The following PEX3 variants were observed in gnomAD, a reference collection of about 807,000 sequenced individuals.
PEX3 encodes the protein peroxisomal biogenesis factor 3.
Under a neutral mutation model 55.8 loss-of-function variants are expected in PEX3, and 30 were observed. The ratio of observed to expected loss-of-function variants is 0.54; its 90% confidence interval spans 0.40 to 0.73. The LOEUF (loss-of-function observed/expected upper bound fraction) is 0.73. Among genes scored for constraint, PEX3 ranks in the 30% least tolerant of loss-of-function variants. The pLI, the probability that PEX3 is intolerant of heterozygous loss-of-function variation, is 0.00. For synonymous variants in PEX3, 135 were observed against 148.4 expected (o/e 0.91, Z 0.66); for missense variants, 351 against 432.8 (o/e 0.81, Z 1.68).
At position 143,471,769 on chromosome 6, in the gene PEX3, C is replaced by T. The variant is rs1278953734; in HGVS notation, c.578+158C>T. Among the ~76,000 whole-genome samples, 3 of 147,922 alleles carry T rather than the reference C, an allele frequency of 2.0e-5. No individual in the cohort carries two copies. Among genetic ancestry groups the T allele is most frequent in the African/African-American group, 7.4e-5 (3 of 40,450 alleles). ...TCCTAGGATATTGCATTGTGGGATCCATTTTCTTTATCTTTTTTTTTATAC... is the reference window on the plus strand; with the variant it reads ...TCCTAGGATATTGCATTGTGGGATCTATTTTCTTTATCTTTTTTTTTATAC... On this transcript the variant is annotated intron_variant, in intron 7 of 11. Transcript: ENST00000367591. This position sits in a 1 kb window ranked among gnomAD's most constrained non-coding sequence, Gnocchi z 5.4.
chr6:143,461,349 G>C (rs75041599), intron 2 of PEX3, among the ~76,000 whole-genome samples: 1 of 152,064 alleles, frequency 6.6e-6, no homozygotes, highest in Admixed American at 6.6e-5. Context: ...CAAAAGATAG[G>C]GGTCACACGT....
rs1278700642 is a variant in PEX3 at position 143,471,091 on chromosome 6, T to A, written c.456+6T>A. 1.2e-6 allele frequency: 2 copies of A among 1,611,902 alleles called. No individual in the cohort carries two copies. Among genetic ancestry groups the A allele is most frequent in the East Asian group, 2.2e-5 (1 of 44,768 alleles). Reference sequence around the variant, plus strand: ...CAGTTGGCAAAAATGGCACTGTAAGTTTAATAGACTTAAATAGACATTGTT... The same window carrying A: ...CAGTTGGCAAAAATGGCACTGTAAGATTAATAGACTTAAATAGACATTGTT... On this transcript the variant is annotated splice_donor_region_variant and intron_variant, in intron 5 of 11. Transcript: ENST00000367591. This position sits in a 1 kb window ranked among gnomAD's most constrained non-coding sequence, Gnocchi z 5.4.
rs1779815907 is a variant in PEX3, at chr6:143,454,468, A to G, written c.73+3353A>G. On this transcript the variant is annotated intron_variant, in intron 1 of 11. Transcript: ENST00000367591. This position sits in a 1 kb window ranked among gnomAD's most constrained non-coding sequence, Gnocchi z 4.3. ...CCTCAGAACATTGACTTGGATTTATACCTTAAATCCTGTAATCTCTGGCTT... is the reference window on the plus strand; with the variant it reads ...CCTCAGAACATTGACTTGGATTTATGCCTTAAATCCTGTAATCTCTGGCTT... Among the ~76,000 whole-genome samples the G allele has an allele frequency of 6.6e-6, 1 of 152,186 alleles. No homozygotes were observed. Among genetic ancestry groups the G allele is most frequent in the African/African-American group, 2.4e-5 (1 of 41,440 alleles).
Position 143,479,491 on chromosome 6 carries a change from T to C in PEX3, c.941+293T>C, listed in dbSNP as rs112833904. Among the ~76,000 whole-genome samples, 1,638 of 152,194 alleles carry C rather than the reference T, an allele frequency of 0.011. 24 individuals are homozygous for C. Among genetic ancestry groups the C allele is most frequent in the African/African-American group, 0.037 (1,544 of 41,564 alleles). On this transcript the variant is annotated intron_variant, in intron 10 of 11. Transcript: ENST00000367591. The surrounding 1 kb of genome is among the most constrained non-coding windows in gnomAD (Gnocchi z 4.6). Reference sequence around the variant, plus strand: ...ATTGTTTTTTTTTAACTCTTTAGAATACAAAACTCACAATATGTTTTAATT... The same window carrying C: ...ATTGTTTTTTTTTAACTCTTTAGAACACAAAACTCACAATATGTTTTAATT...
chr6:143,471,158 TAAC>T lies in PEX3; in HGVS notation c.456+76_456+78del, dbSNP rs1259741923. The T allele has an allele frequency of 5.5e-6, 7 of 1,273,290 alleles. No homozygotes were observed. The highest frequency in any genetic ancestry group is 4.6e-5 in the East Asian group (2 of 43,086). The allele number at this position is 1,273,290 out of a possible 1,614,324, so 78.9% of individuals were successfully genotyped here. Reference sequence around the variant, plus strand: ...TCAAAGTTTAACTTATTTATCCTGATAACAATTTCTATGAAATAAATATTTTTA... The same window carrying T: ...TCAAAGTTTAACTTATTTATCCTGATAATTTCTATGAAATAAATATTTTTA... On this transcript the variant is annotated intron_variant, in intron 5 of 11. Coordinates refer to ENST00000367591, the MANE Select transcript of PEX3 (RefSeq NM_003630.3). The surrounding 1 kb of genome is among the most constrained non-coding windows in gnomAD (Gnocchi z 5.4).
chr6:143,471,553 A>G lies in PEX3; in HGVS notation c.524-4A>G. 1 of 1,610,432 alleles carries G rather than the reference A, an allele frequency of 6.2e-7. No homozygotes were observed. The highest frequency in any genetic ancestry group is 8.5e-7 in the Non-Finnish European group (1 of 1,177,054). ...GGCTTTTAGGTTTGTTTTTTCTTTA[A>G]TAGGCCTGACAGAATTGATCACTGT... On this transcript the variant is annotated splice_polypyrimidine_tract_variant and splice_region_variant and intron_variant, in intron 6 of 11. Transcript: ENST00000367591. This position sits in a 1 kb window ranked among gnomAD's most constrained non-coding sequence, Gnocchi z 5.4.
At chr6:143,473,265 C>T (rs1780099852) in intron 8 of PEX3, among the ~76,000 whole-genome samples, 1 of 152,072 alleles carries the variant, frequency 6.6e-6, no homozygotes, top group Non-Finnish European at 1.5e-5. Context: ...AGTTGCATCC[C>T]ATTTAAGGAA....
intron 4 of PEX3, 125 bp from the exon 5 acceptor site, chr6:143,470,836 A>G (rs1171023034): frequency 9.5e-6 from 7 of 735,870 alleles, no homozygotes; most frequent in East Asian, 2.8e-5. Flanking sequence ...ATATATTTTT[A>G]TACTAGAAAC....
rs1320558183 is a variant in PEX3 at position 143,466,787 on chromosome 6, A to G, written c.288-1335A>G. On this transcript the variant is annotated intron_variant, in intron 3 of 11. Coordinates refer to ENST00000367591, the MANE Select transcript of PEX3 (RefSeq NM_003630.3). The surrounding 1 kb of genome is among the most constrained non-coding windows in gnomAD (Gnocchi z 5.4). Reference sequence around the variant, plus strand: ...GGCAGATATAAATGTATATATACATATTCACTTATATAAAGCAAAACAATG... The same window carrying G: ...GGCAGATATAAATGTATATATACATGTTCACTTATATAAAGCAAAACAATG... 6.6e-6 allele frequency among the ~76,000 whole-genome samples: 1 copy of G among 152,034 alleles called. No homozygotes were observed. Among genetic ancestry groups the G allele is most frequent in the African/African-American group, 2.4e-5 (1 of 41,446 alleles).
chr6:143,456,945 A>G (rs1294854191), intron 1 of PEX3, among the ~76,000 whole-genome samples: 2 of 152,320 alleles, frequency 1.3e-5, no homozygotes, highest in East Asian at 3.9e-4. Context: ...CACTTATATC[A>G]TACTGCCTAT....
At position 143,485,200 on chromosome 6, in the gene PEX3, C is replaced by T. The variant is rs778663084; in HGVS notation, c.990C>T (p.Asn330=). The T allele has an allele frequency of 2.9e-5, 47 of 1,607,018 alleles. No homozygotes were observed. Among genetic ancestry groups the T allele is most frequent in the Middle Eastern group, 1.6e-4 (1 of 6,062 alleles). Reference sequence around the variant, plus strand: ...TAGCTAAGATAATTCCAATAGTAAACGGACAGATCCATTCAGTTTGCAGTG... The same window carrying T: ...TAGCTAAGATAATTCCAATAGTAAATGGACAGATCCATTCAGTTTGCAGTG... The part of the protein sequence containing the change: ...LPLAKIIPIV[N]GQIHSVCSET... Residue 330 remains asparagine, a synonymous_variant, in exon 11 of 12, where the codon AAC becomes AAT. Transcript: ENST00000367591. This position sits in a 1 kb window ranked among gnomAD's most constrained non-coding sequence, Gnocchi z 5.6.
rs1365542756 is a variant in PEX3, at chr6:143,487,583, T to C, written c.1039-1560T>C. ...AAAGCACTTTTATTGTCAAGTAGAATCTAAATTACAAAAAAAGATTGTTCT... is the reference window on the plus strand; with the variant it reads ...AAAGCACTTTTATTGTCAAGTAGAACCTAAATTACAAAAAAAGATTGTTCT... On this transcript the variant is annotated intron_variant, in intron 11 of 11. Transcript: ENST00000367591. The surrounding 1 kb of genome is among the most constrained non-coding windows in gnomAD (Gnocchi z 5.3). Among the ~76,000 whole-genome samples, 1 of 152,128 alleles carries C rather than the reference T, an allele frequency of 6.6e-6. No individual in the cohort carries two copies. Among genetic ancestry groups the C allele is most frequent in the African/African-American group, 2.4e-5 (1 of 41,440 alleles).
At chr6:143,472,018 G>T in intron 7 of PEX3, 142 bp from the exon 8 acceptor site, 1 of 680,128 alleles carries the variant, frequency 1.5e-6, no homozygotes, top group Non-Finnish European at 2.6e-6. Context: ...GGCTGATTTC[G>T]TAATCCATTC....
At position 143,487,521 on chromosome 6, in the gene PEX3, G is replaced by C. The variant is rs979060100; in HGVS notation, c.1039-1622G>C. On this transcript the variant is annotated intron_variant, in intron 11 of 11. Transcript: ENST00000367591. This position sits in a 1 kb window ranked among gnomAD's most constrained non-coding sequence, Gnocchi z 5.3. ...AGTGTATAAATTAAAAACTCAATAA[G>C]ATCCTTAAGATTAGAGCTTTTTCGT... is the stretch of plus-strand genomic sequence containing the variant. Among the ~76,000 whole-genome samples, 1 of 152,016 alleles carries C rather than the reference G, an allele frequency of 6.6e-6. No individual in the cohort carries two copies. The highest frequency in any genetic ancestry group is 2.4e-5 in the African/African-American group (1 of 41,404).
rs1584020671 is a variant in PEX3, at chr6:143,489,290, C to T, written c.*64C>T. 1.2e-6 allele frequency: 1 copy of T among 868,562 alleles called. No homozygotes were observed. Among genetic ancestry groups the T allele is most frequent in the East Asian group, 2.4e-5 (1 of 41,174 alleles). The allele number at this position is 868,562 out of a possible 1,614,324, so 53.8% of individuals were successfully genotyped here. On this transcript the variant is annotated 3_prime_UTR_variant, in exon 12 of 12. Coordinates refer to ENST00000367591, the MANE Select transcript of PEX3 (RefSeq NM_003630.3). This position sits in a 1 kb window ranked among gnomAD's most constrained non-coding sequence, Gnocchi z 5.5. ...TTTTTAAAATACACTGGGTAAATCA[C>T]CTATACTTAGAGTAACAGTTTGTTA...
At position 143,452,232 on chromosome 6, in the gene PEX3, C is replaced by T. The variant is rs117086907; in HGVS notation, c.73+1117C>T. ...TTGCTGAGCCAAGGATGGTGTTTTGCATGTCTCTGAGGTCTATCACACATC... is the reference window on the plus strand; with the variant it reads ...TTGCTGAGCCAAGGATGGTGTTTTGTATGTCTCTGAGGTCTATCACACATC... On this transcript the variant is annotated intron_variant, in intron 1 of 11. Coordinates refer to ENST00000367591, the MANE Select transcript of PEX3 (RefSeq NM_003630.3). Among the ~76,000 whole-genome samples, 11 of 152,276 alleles carry T rather than the reference C, an allele frequency of 7.2e-5. No individual in the cohort carries two copies. The East Asian group carries it at 2.1e-3, about 29-fold the overall frequency.
At chr6:143,469,694 G>C (rs1485108196) in intron 4 of PEX3, among the ~76,000 whole-genome samples, 1 of 152,158 alleles carries the variant, frequency 6.6e-6, no homozygotes, top group African/African-American at 2.4e-5. Context: ...GATGCCATTT[G>C]TCCATTTTGG....
chr6:143,479,286 A>G lies in PEX3; in HGVS notation c.941+88A>G. On this transcript the variant is annotated intron_variant, in intron 10 of 11. Coordinates refer to ENST00000367591, the MANE Select transcript of PEX3 (RefSeq NM_003630.3). The surrounding 1 kb of genome is among the most constrained non-coding windows in gnomAD (Gnocchi z 4.6). Reference sequence around the variant, plus strand: ...CTTTTTGTTCCAGATAACAACAACAAACCTATTAAATTTGAGTGCCTCATT... The same window carrying G: ...CTTTTTGTTCCAGATAACAACAACAGACCTATTAAATTTGAGTGCCTCATT... The G allele has an allele frequency of 9.6e-7, 1 of 1,047,048 alleles. No homozygotes were observed. The highest frequency in any genetic ancestry group is 1.3e-5 in the South Asian group (1 of 75,924). 64.9% of individuals were successfully genotyped at this position (1,047,048 alleles called of 1,614,324 possible).
In PEX3 at chr6:143,474,836, A is replaced by T. The variant is rs182665934; in HGVS notation, c.798A>T (p.Glu266Asp). 77 of 1,579,542 alleles carry T rather than the reference A, an allele frequency of 4.9e-5. No individual in the cohort carries two copies. The highest frequency in any genetic ancestry group is 3.5e-4 in the Admixed American group (21 of 59,984). Residue 266 changes from glutamate (E) to aspartate (D), a missense_variant, in exon 9 of 12, where the codon GAA (glutamate) becomes GAT (aspartate). Glu to Asp is a conservative substitution (Grantham distance 45). Coordinates refer to ENST00000367591, the MANE Select transcript of PEX3 (RefSeq NM_003630.3). ...TTACCACTATTAAACTTCTCAATGA[A>T]ACTAGAGACATGTTGGAAAGGTATG... ...RDITTIKLLN[E>D]TRDMLESPDF... is the part of the protein sequence containing the mutation.
Sources: allele counts gnomAD v4.1 joint callset (sites outside exome capture counted in the v4.1 genomes callset), GRCh38; gene constraint gnomAD v4.1.1; non-coding constraint Gnocchi (gnomAD v3.1); transcripts MANE v1.5; gene names NCBI Gene and HGNC (gene_info 2026-07-23, HGNC 2026-07-21).